LGR5: variants seen among roughly 807,000 people sequenced by gnomAD.
The protein encoded by LGR5 is leucine-rich repeat-containing G protein-coupled receptor 5.
Under a neutral mutation model 76.7 loss-of-function variants are expected in LGR5, and 54 were observed. The ratio of observed to expected loss-of-function variants is 0.70; its 90% CI spans 0.57 to 0.88. The LOEUF (loss-of-function observed/expected upper bound fraction) is 0.88. LGR5 is among the 40% of genes least tolerant of loss of function. LGR5 has a pLI of 0.00. For missense variants in LGR5, 1,078 were observed against 1,073.3 expected, an observed-to-expected ratio of 1.00 and a Z score of -0.06; for synonymous variants, 406 against 421.9, an observed-to-expected ratio of 0.96 and a Z score of 0.46.
chr12:71,470,679 T>C (rs1316933569), intron 1 of LGR5, among the ~76,000 whole-genome samples: 1 of 152,244 alleles, frequency 6.6e-6, no homozygotes, highest in Non-Finnish European at 1.5e-5. Context: ...AAACGCAGCC[T>C]ATAAATCTTG....
chr12:71,489,771 T>C (rs1467170509), intron 1 of LGR5, among the ~76,000 whole-genome samples: 2 of 152,096 alleles, frequency 1.3e-5, no homozygotes, highest in East Asian at 3.9e-4. Flanking sequence ...TCTGTGTAAA[T>C]GTTAACTTAG....
At chr12:71,484,770 A>T (rs527898186) in intron 1 of LGR5, among the ~76,000 whole-genome samples, 4 of 152,296 alleles carry the variant, frequency 2.6e-5, no homozygotes, top group Admixed American at 6.5e-5. Context: ...CTACATCTAC[A>T]TCTATCATTT....
At chr12:71,491,538 C>G (rs192236303) in intron 1 of LGR5, among the ~76,000 whole-genome samples, 2 of 151,792 alleles carry the variant, frequency 1.3e-5, no homozygotes, top group East Asian at 1.9e-4. Context: ...GAAGTTGAAT[C>G]TATGACAGAG....
chr12:71,522,271 C>T (rs1368640654), intron 2 of LGR5, among the ~76,000 whole-genome samples: 1 of 151,960 alleles, frequency 6.6e-6, no homozygotes, highest in African/African-American at 2.4e-5. Flanking sequence ...TAAAGACCAT[C>T]AGTGAATATG....
intron 1 of LGR5, among the ~76,000 whole-genome samples, chr12:71,472,153 T>C (rs961425422): frequency 2.0e-5 from 3 of 152,186 alleles, no homozygotes; most frequent in Non-Finnish European, 4.4e-5. Context: ...CTAGTGAAAT[T>C]TTTTTAAACA....
intron 1 of LGR5, among the ~76,000 whole-genome samples, chr12:71,443,377 T>C (rs1013485242): frequency 3.3e-5 from 5 of 152,202 alleles, no homozygotes; most frequent in African/African-American, 1.2e-4. Flanking sequence ...CAGTAGGTCT[T>C]TAACTGGACC....
Position 71,577,006 on chromosome 12 carries a change from G to A in LGR5, c.1209-919G>A, listed in dbSNP as rs557537393. 7.2e-4 allele frequency among the ~76,000 whole-genome samples: 109 copies of A among 152,248 alleles called. 1 individual carries two copies. In the Middle Eastern group the frequency reaches 0.01, roughly 14 times the overall value. ...GGAAAAGACTTCCAGTTTCCTCCAG[G>A]AAAGGAGGACAGGTCCCTAAGGAAC... On this transcript the variant is annotated intron_variant, in intron 13 of 17. Transcript: ENST00000266674.
In LGR5 at chr12:71,583,790, C is replaced by T. The variant is rs1286762684; in HGVS notation, c.1780C>T (p.Leu594=). The T allele has an allele frequency of 1.2e-6, 2 of 1,614,078 alleles. No individual in the cohort carries two copies. Among genetic ancestry groups the T allele is most frequent in the South Asian group, 1.1e-5 (1 of 91,084 alleles). The change falls in exon 18 of 18, where the codon CTG becomes TTG. Residue 594 remains leucine, a synonymous_variant. Coordinates refer to ENST00000266674, the MANE Select transcript of LGR5 (RefSeq NM_003667.4). The part of the protein sequence containing the change: ...RSPLYISPIK[L]LIGVIAAVNM... ...CCCTCTGTACATTTCCCCCATTAAA[C>T]TGTTAATTGGGGTCATCGCAGCAGT... is the stretch of plus-strand genomic sequence containing the variant.
chr12:71,517,191 A>G (rs1875488962), intron 2 of LGR5, among the ~76,000 whole-genome samples: 1 of 152,232 alleles, frequency 6.6e-6, no homozygotes, highest in Non-Finnish European at 1.5e-5. Flanking sequence ...TTTCAAAAGT[A>G]CTAAAGCCAC....
In LGR5 at chr12:71,488,424, A is replaced by G. The variant is rs866375574; in HGVS notation, c.213-16190A>G. On this transcript the variant is annotated intron_variant, in intron 1 of 17. Transcript: ENST00000266674. ...TCTGAAGTTTTGCTGCAGTGTGAGT[A>G]GTAAGAAGAAATAGTATGGTCCCTT... Among the ~76,000 whole-genome samples the G allele has an allele frequency of 2.2e-4, 34 of 152,276 alleles. 1 individual carries two copies. The Middle Eastern group carries it at 0.01, about 46-fold the overall frequency.
chr12:71,547,983 C>T (rs1000142622), intron 4 of LGR5, among the ~76,000 whole-genome samples: 4 of 152,034 alleles, frequency 2.6e-5, no homozygotes, highest in Non-Finnish European at 4.4e-5. Flanking sequence ...TAACAGACCC[C>T]CCCCAAAAGG....
At position 71,556,676 on chromosome 12, in the gene LGR5, C is replaced by T. The variant is rs140637499; in HGVS notation, c.702C>T (p.His234=). Residue 234 remains histidine (H), a synonymous_variant, in exon 6 of 18, where the codon CAC becomes CAT. Transcript: ENST00000266674. ...SLGKKCFDGL[H]SLETLDLNYN... is the part of the protein sequence containing the mutation. ...GAAAGAAATGCTTTGATGGGCTCCA[C>T]AGCCTAGAGACTTTGTGAGTTGACC... 1.5e-3 allele frequency: 2,363 copies of T among 1,610,018 alleles called. 6 individuals are homozygous for T. The highest frequency in any genetic ancestry group is 1.8e-3 in the Non-Finnish European group (2,145 of 1,176,264).
intron 13 of LGR5, among the ~76,000 whole-genome samples, chr12:71,575,699 A>C (rs922931318): frequency 4.0e-5 from 6 of 150,858 alleles, no homozygotes; most frequent in African/African-American, 1.5e-4. Context: ...CGACAGAGTG[A>C]GACTCCATCT....
intron 1 of LGR5, among the ~76,000 whole-genome samples, chr12:71,485,768 C>CT (rs560900401): frequency 0.051 from 7,123 of 141,030 alleles, 210 homozygotes; most frequent in Non-Finnish European, 0.073. Flanking sequence ...ACACAATTAT[C>CT]TTTTTTTTTT....
intron 4 of LGR5, among the ~76,000 whole-genome samples, chr12:71,552,268 A>T (rs1877522706): frequency 6.6e-6 from 1 of 151,756 alleles, no homozygotes; most frequent in African/African-American, 2.4e-5. Flanking sequence ...ATTAAAAATT[A>T]AAAAAAAATT....
chr12:71,505,620 G>T (rs975845562), intron 2 of LGR5, among the ~76,000 whole-genome samples: 9 of 152,192 alleles, frequency 5.9e-5, no homozygotes, highest in African/African-American at 2.2e-4. Context: ...GAGGTGGAAA[G>T]AATGTTTCAT....
chr12:71,579,570 C>T (rs1196786952), intron 15 of LGR5, among the ~76,000 whole-genome samples: 1 of 152,018 alleles, frequency 6.6e-6, no homozygotes, highest in Non-Finnish European at 1.5e-5. Flanking sequence ...TTGATACAGG[C>T]ATGCAATATG....
At chr12:71,529,897 A>AGTGAG (rs2137355050) in intron 3 of LGR5, among the ~76,000 whole-genome samples, 1 of 151,688 alleles carries the variant, frequency 6.6e-6, no homozygotes, top group South Asian at 2.1e-4. Context: ...CAGAGGCTGC[A>AGTGAG]GTGAGCCAAG....
At chr12:71,469,072 A>T (rs1402833729) in intron 1 of LGR5, among the ~76,000 whole-genome samples, 1 of 152,176 alleles carries the variant, frequency 6.6e-6, no homozygotes, top group Non-Finnish European at 1.5e-5. Flanking sequence ...ATTTATGTTT[A>T]GTTTTAATGT....
Sources: allele counts gnomAD v4.1 joint callset (sites outside exome capture counted in the v4.1 genomes callset), GRCh38; gene constraint gnomAD v4.1.1; transcripts MANE v1.5; gene names NCBI Gene and HGNC (gene_info 2026-07-23, HGNC 2026-07-21).